ASCL3: variants seen among roughly 807,000 people sequenced by gnomAD.
The protein encoded by ASCL3 is achaete-scute family bHLH transcription factor 3, also known as achaete-scute homolog 3.
Under a neutral mutation model 2.3 loss-of-function variants are expected in ASCL3, and 1 was observed. The observed-to-expected ratio is 0.44, with a 90% CI of 0.16 to 2.10. ASCL3 has a LOEUF of 2.10. Among genes scored for constraint, ASCL3 ranks in the 30% most tolerant of loss-of-function variants. The probability of loss-of-function intolerance (pLI) is 0.28; values close to 1 mark genes in which losing one functional copy is unlikely to be tolerated. For missense variants in ASCL3, 243 were observed against 229.0 expected, an observed-to-expected ratio of 1.06 and a Z score of -0.40; for synonymous variants, 98 against 88.5, an observed-to-expected ratio of 1.11 and a Z score of -0.60.
intron 1 of ASCL3, among the ~76,000 whole-genome samples, chr11:8,942,399 A>G (rs4909952): frequency 0.34 from 51,103 of 152,014 alleles, 10,359 homozygotes; most frequent in Non-Finnish European, 0.43. Flanking sequence ...GGAATTGAGT[A>G]TAAGTTTTTA....
rs531475378 is a variant in ASCL3 at position 8,939,485 on chromosome 11, C to T, written c.-12-1312G>A. ...CAAACTCCTGACCTCATGATCCACCCGCCTTGGCCTCCCAAAGTGCTGGGA... is the reference window on the plus strand; with the variant it reads ...CAAACTCCTGACCTCATGATCCACCTGCCTTGGCCTCCCAAAGTGCTGGGA... On this transcript the variant is annotated intron_variant, in intron 1 of 1. Transcript: ENST00000531618. Among the ~76,000 whole-genome samples, 5 of 152,132 alleles carry T rather than the reference C, an allele frequency of 3.3e-5. No individual in the cohort carries two copies. In the East Asian group the frequency reaches 5.8e-4, roughly 18 times the overall value.
chr11:8,938,186 C>T lies in ASCL3; in HGVS notation c.-12-13G>A. ...TTTCCTCTTTAACCTGCAAACATAA[C>T]CAAGTTTAACAATGTGGTCAGATAG... On this transcript the variant is annotated splice_polypyrimidine_tract_variant and intron_variant, in intron 1 of 1. Transcript: ENST00000531618. 2 of 1,551,334 alleles carry T rather than the reference C, an allele frequency of 1.3e-6. No individual in the cohort carries two copies. Among genetic ancestry groups the T allele is most frequent in the South Asian group, 1.2e-5 (1 of 81,312 alleles).
At position 8,937,649 on chromosome 11, in the gene ASCL3, G is replaced by A. The variant is rs1456857908; in HGVS notation, c.513C>T (p.Ser171=). 4 of 1,613,996 alleles carry A rather than the reference G, an allele frequency of 2.5e-6. No homozygotes were observed. In the South Asian group the frequency reaches 4.4e-5, roughly 18 times the overall value. Residue 171 remains serine (S), a synonymous_variant, in exon 2 of 2, where the codon AGC becomes AGT. Transcript: ENST00000531618. ...TTCTGAACATAGGGTCAGCATGGTG[G>A]CTGGTGGTTGCTATCATGGAGGAAA... ...GKVSSMIATT[S]HHADPMFRIV
chr11:8,938,209 T>G (rs984386923), intron 1 of ASCL3, 36 bp from the exon 2 acceptor site: 2 of 1,471,548 alleles, frequency 1.4e-6, no homozygotes, highest in African/African-American at 1.4e-5. Flanking sequence ...TGTGGTCAGA[T>G]AGAGAGCAGA....
chr11:8,942,981 C>T lies in ASCL3; in HGVS notation c.-13+5G>A, dbSNP rs907537214. Reference sequence around the variant, plus strand: ...CACGGGCCACTCTGGAGAATAGTCTCTTACCTGAGTTTTGTCGTCAGGATG... The same window carrying T: ...CACGGGCCACTCTGGAGAATAGTCTTTTACCTGAGTTTTGTCGTCAGGATG... On this transcript the variant is annotated splice_donor_5th_base_variant and intron_variant, in intron 1 of 1. Coordinates refer to ENST00000531618, the MANE Select transcript of ASCL3 (RefSeq NM_020646.3). Among the ~76,000 whole-genome samples the T allele has an allele frequency of 6.6e-6, 1 of 152,148 alleles. No individual in the cohort carries two copies. Among genetic ancestry groups the T allele is most frequent in the African/African-American group, 2.4e-5 (1 of 41,438 alleles).
chr11:8,940,921 G>A (rs563370117), intron 1 of ASCL3, among the ~76,000 whole-genome samples: 13 of 152,220 alleles, frequency 8.5e-5, no homozygotes, highest in African/African-American at 2.2e-4. Flanking sequence ...CAAGTGCTAC[G>A]TTATTTTCTG....
chr11:8,938,000 T>A lies in ASCL3; in HGVS notation c.162A>T (p.Pro54=). ...GAGAGTCGCTGGGAAAAGGCAGCCGTGGCAGCTCCTCAGAGTAAGGGGATG... is the reference window on the plus strand; with the variant it reads ...GAGAGTCGCTGGGAAAAGGCAGCCGAGGCAGCTCCTCAGAGTAAGGGGATG... ...PVSSPYSEEL[P]RLPFPSDSLI... The change falls in exon 2 of 2, where the codon CCA becomes CCT. Residue 54 remains proline (P), a synonymous_variant. Coordinates refer to ENST00000531618, the MANE Select transcript of ASCL3 (RefSeq NM_020646.3). The A allele has an allele frequency of 6.2e-7, 1 of 1,613,850 alleles. No homozygotes were observed. Among genetic ancestry groups the A allele is most frequent in the Non-Finnish European group, 8.5e-7 (1 of 1,179,860 alleles).
chr11:8,938,115 A>G lies in ASCL3; in HGVS notation c.47T>C (p.Ile16Thr), dbSNP rs777974131. 4 of 1,612,156 alleles carry G rather than the reference A, an allele frequency of 2.5e-6. No homozygotes were observed. The highest frequency in any genetic ancestry group is 2.2e-5 in the East Asian group (1 of 44,842). Residue 16 changes from isoleucine to threonine, a missense_variant, in exon 2 of 2, where the codon ATC (isoleucine) becomes ACC (threonine). Ile to Thr is a moderately conservative substitution (Grantham distance 89). Coordinates refer to ENST00000531618, the MANE Select transcript of ASCL3 (RefSeq NM_020646.3). Reference sequence around the variant, plus strand: ...TGGCAAGCGGGCAGAATCAGGGAAGATAGGAAGTTTGTCAGGTAGACTAGA... The same window carrying G: ...TGGCAAGCGGGCAGAATCAGGGAAGGTAGGAAGTTTGTCAGGTAGACTAGA... ...GNSSLPDKLPIFPDSARLPLT... is the reference protein window; with the variant it reads ...GNSSLPDKLPTFPDSARLPLT...
intron 1 of ASCL3, among the ~76,000 whole-genome samples, chr11:8,941,810 C>A (rs995010382): frequency 1.4e-4 from 21 of 152,142 alleles, no homozygotes; most frequent in African/African-American, 5.1e-4. Flanking sequence ...GAAAAAGTTA[C>A]TGAGAGAAAC....
chr11:8,939,067 A>G (rs754087020), intron 1 of ASCL3, among the ~76,000 whole-genome samples: 1 of 151,520 alleles, frequency 6.6e-6, no homozygotes. Context: ...AGCCTCTCCA[A>G]CTGCTGGGAT....
At position 8,937,966 on chromosome 11, in the gene ASCL3, C is replaced by T; in HGVS notation, c.196G>A (p.Gly66Arg). The change falls in exon 2 of 2, where the codon GGA becomes AGA. Residue 66 changes from glycine to arginine, a missense_variant. Gly to Arg is a moderately radical substitution (Grantham distance 125, BLOSUM62 -2). Coordinates refer to ENST00000531618, the MANE Select transcript of ASCL3 (RefSeq NM_020646.3). Reference protein sequence around the residue: ...LPFPSDSLILGNYSEPCPFSF... With the variant: ...LPFPSDSLILRNYSEPCPFSF... ...AAGGGGCAGGGTTCACTGTAATTTCCCAGGATAAGAGAGTCGCTGGGAAAA... is the reference window on the plus strand; with the variant it reads ...AAGGGGCAGGGTTCACTGTAATTTCTCAGGATAAGAGAGTCGCTGGGAAAA... 1 of 1,613,906 alleles carries T rather than the reference C, an allele frequency of 6.2e-7. No individual in the cohort carries two copies. The highest frequency in any genetic ancestry group is 1.3e-5 in the African/African-American group (1 of 74,998).
At chr11:8,938,301 G>A in intron 1 of ASCL3, 128 bp from the exon 2 acceptor site, 1 of 799,160 alleles carries the variant, frequency 1.3e-6, no homozygotes, top group South Asian at 1.9e-5. Flanking sequence ...CCAGGCTGGA[G>A]TGCAGTGGCG....
At chr11:8,941,336 CACACAT>C (rs1486748395) in intron 1 of ASCL3, among the ~76,000 whole-genome samples, 7 of 93,514 alleles carry the variant, frequency 7.5e-5, no homozygotes, top group Non-Finnish European at 1.4e-4. Context: ...TAAACACACA[CACACAT>C]ACACACACAC....
Position 8,942,457 on chromosome 11 carries a change from T to TA in ASCL3, c.-13+528dup, listed in dbSNP as rs201460259. On this transcript the variant is annotated intron_variant, in intron 1 of 1. Transcript: ENST00000531618. ...AGTGCTGGGGCTCCATGGTTCCAGA[T>TA]ACAGACACAGCTAACAAACACACCT... Among the ~76,000 whole-genome samples, 282 of 152,180 alleles carry TA rather than the reference T, an allele frequency of 1.9e-3. 5 individuals are homozygous for TA. The East Asian group carries it at 0.039, about 21-fold the overall frequency.
At chr11:8,938,246 G>GTATTA (rs1211991234) in intron 1 of ASCL3, 73 bp from the exon 2 acceptor site, 9 of 1,297,748 alleles carry the variant, frequency 6.9e-6, no homozygotes, top group African/African-American at 1.5e-5. Context: ...GGAGATCAAT[G>GTATTA]TTTTATTTTA....
chr11:8,941,355 A>G (rs1200317028), intron 1 of ASCL3, among the ~76,000 whole-genome samples: 1 of 151,728 alleles, frequency 6.6e-6, no homozygotes, highest in Non-Finnish European at 1.5e-5. Flanking sequence ...ACACACACAC[A>G]CACACACACA....
At chr11:8,939,432 G>A (rs2064696076) in intron 1 of ASCL3, among the ~76,000 whole-genome samples, 1 of 151,854 alleles carries the variant, frequency 6.6e-6, no homozygotes, top group African/African-American at 2.4e-5. Flanking sequence ...GTAGGGACGG[G>A]GTTTCATTAC....
intron 1 of ASCL3, among the ~76,000 whole-genome samples, chr11:8,941,778 C>T (rs1292858010): frequency 1.3e-5 from 2 of 152,104 alleles, no homozygotes; most frequent in Non-Finnish European, 2.9e-5. Flanking sequence ...AAACTAAAAA[C>T]TAGCCAGGAT....
At chr11:8,940,211 A>G (rs1035463907) in intron 1 of ASCL3, among the ~76,000 whole-genome samples, 9 of 76,234 alleles carry the variant, frequency 1.2e-4, no homozygotes, top group African/African-American at 2.8e-4. Flanking sequence ...CCTAGCTTCA[A>G]AAGATCTTCC....
Sources: gnomAD v4.1 joint callset for allele counts (sites outside exome capture counted in the v4.1 genomes callset) on GRCh38, gnomAD v4.1.1 for gene constraint, MANE v1.5 for transcripts, NCBI Gene and HGNC (gene_info 2026-07-23, HGNC 2026-07-21) for gene names.